ZCCHC8: variants seen among roughly 807,000 people sequenced by gnomAD.
ZCCHC8 encodes the protein zinc finger CCHC domain-containing protein 8.
ZCCHC8 carries 27 observed loss-of-function variants against 70.6 expected under a neutral mutation model. The observed-to-expected ratio is 0.38, with a 90% CI of 0.28 to 0.53. The LOEUF (loss-of-function observed/expected upper bound fraction) is 0.53, where lower values mean the gene tolerates loss of function less well. Among genes scored for constraint, ZCCHC8 ranks in the 20% least tolerant of loss-of-function variants. The pLI is 0.81. For synonymous variants in ZCCHC8, 293 were observed against 317.4 expected (o/e 0.92, Z 0.82); for missense variants, 737 against 876.9 (o/e 0.84, Z 2.01).
intron 3 of ZCCHC8, chr12:122,492,268 T>G (rs1398716063): frequency 5.9e-6 from 1 of 169,092 alleles, no homozygotes; most frequent in Non-Finnish European, 1.2e-5. Flanking sequence ...TTAAAACAAA[T>G]AATCAAGTGA....
intron 2 of ZCCHC8, among the ~76,000 whole-genome samples, chr12:122,494,492 G>A (rs1166031375): frequency 6.6e-6 from 1 of 151,764 alleles, no homozygotes; most frequent in African/African-American, 2.4e-5. Flanking sequence ...CCCAGGAGGT[G>A]GAGGTTGCAG....
intron 2 of ZCCHC8, among the ~76,000 whole-genome samples, chr12:122,493,763 C>T (rs764682547): frequency 7.2e-5 from 11 of 151,892 alleles, no homozygotes; most frequent in African/African-American, 1.7e-4. Context: ...CAGGCGCCTG[C>T]GACCATGCCC....
rs1199125820 is a variant in ZCCHC8 at position 122,481,628 on chromosome 12, C to G, written c.912G>C (p.Lys304Asn). 1.9e-6 allele frequency: 3 copies of G among 1,613,834 alleles called. No homozygotes were observed. The highest frequency in any genetic ancestry group is 2.5e-6 in the Non-Finnish European group (3 of 1,179,882). The change falls in exon 10 of 14, where the codon AAG (lysine) becomes AAC (asparagine). Residue 304 changes from lysine to asparagine, a missense_variant. Lys to Asn is a moderately conservative substitution (Grantham distance 94, BLOSUM62 0). Coordinates refer to ENST00000633063, the MANE Select transcript of ZCCHC8 (RefSeq NM_017612.5). ...ELQDALGVTD[K>N]SLPPFIYRMR... is the part of the protein sequence containing the mutation. ...TCCGATAGATAAAAGGTGGAAGACTCTTGTCTGTCACACCTAGTGCATCTT... is the reference window on the plus strand; with the variant it reads ...TCCGATAGATAAAAGGTGGAAGACTGTTGTCTGTCACACCTAGTGCATCTT...
Position 122,500,735 on chromosome 12 carries a change from C to G in ZCCHC8, c.106G>C (p.Gly36Arg). 6.3e-7 allele frequency: 1 copy of G among 1,583,670 alleles called. No homozygotes were observed. Among genetic ancestry groups the G allele is most frequent in the South Asian group, 1.2e-5 (1 of 86,590 alleles). ...ACCCCATTTTCGTCCTCCTCGTCGCCGTCGTCGTCCTTGAAGCGAGTGTGA... is the reference window on the plus strand; with the variant it reads ...ACCCCATTTTCGTCCTCCTCGTCGCGGTCGTCGTCCTTGAAGCGAGTGTGA... ...PVHTRFKDDD[G>R]DEEDENGVGD... The change falls in exon 1 of 14, where the codon GGC becomes CGC. Residue 36 changes from glycine to arginine, a missense_variant. Gly to Arg is a moderately radical substitution (Grantham distance 125, BLOSUM62 -2). Transcript: ENST00000633063. This position sits in a 1 kb window ranked among gnomAD's most constrained non-coding sequence, Gnocchi z 4.8.
intron 1 of ZCCHC8, chr12:122,499,095 G>C: frequency 1.8e-6 from 1 of 542,458 alleles, no homozygotes; most frequent in Non-Finnish European, 3.3e-6. Context: ...TCTAAGACAC[G>C]ATCCTGAAGT....
At chr12:122,475,255 G>A (rs1444319727) in intron 13 of ZCCHC8, among the ~76,000 whole-genome samples, 1 of 152,114 alleles carries the variant, frequency 6.6e-6, no homozygotes, top group Non-Finnish European at 1.5e-5. Context: ...ATGTTGGCCA[G>A]GCTGGTTTCG....
intron 2 of ZCCHC8, among the ~76,000 whole-genome samples, chr12:122,498,390 A>G (rs1347658206): frequency 6.6e-6 from 1 of 152,070 alleles, no homozygotes; most frequent in African/African-American, 2.4e-5. Flanking sequence ...CGGCCTCCCA[A>G]AGTGCTGGGA....
In ZCCHC8 at chr12:122,482,087, G is replaced by A; in HGVS notation, c.733C>T (p.Pro245Ser). The A allele has an allele frequency of 1.2e-6, 2 of 1,603,216 alleles. No homozygotes were observed. Among genetic ancestry groups the A allele is most frequent in the Non-Finnish European group, 1.7e-6 (2 of 1,176,684 alleles). ...TCACTTATTCGAGCAGCATTCCGAG[G>A]CTACATCATGACACATTTGAAAAGA... ...EEHQMKDCPM[P>S]RNAARISEKR... The change falls in exon 9 of 14, where the codon CCT becomes TCT. Residue 245 changes from proline to serine, a missense_variant and splice_region_variant. Coordinates refer to ENST00000633063, the MANE Select transcript of ZCCHC8 (RefSeq NM_017612.5).
intron 5 of ZCCHC8, among the ~76,000 whole-genome samples, chr12:122,485,331 C>T (rs1957612543): frequency 6.6e-6 from 1 of 152,190 alleles, no homozygotes; most frequent in Non-Finnish European, 1.5e-5. Flanking sequence ...TCAGGCTGGT[C>T]TCAAACTCTC....
intron 13 of ZCCHC8, 59 bp downstream of exon 13, chr12:122,477,782 C>T: frequency 7.9e-7 from 1 of 1,259,162 alleles, no homozygotes; most frequent in Non-Finnish European, 1.1e-6. Context: ...AAGAGTGAGA[C>T]TCCATCTCAA....
At position 122,500,862 on chromosome 12, in the gene ZCCHC8, G is replaced by C; in HGVS notation, c.-22C>G. On this transcript the variant is annotated 5_prime_UTR_variant, in exon 1 of 14. Transcript: ENST00000633063. The surrounding 1 kb of genome is among the most constrained non-coding windows in gnomAD (Gnocchi z 4.8). The stretch of plus-strand genomic sequence containing the variant: ...CCATTTTGGGCTGTGGAAAAGATTC[G>C]AGAAGAGGCGGAGCCGGCCACCAGG... The C allele has an allele frequency of 2.6e-6, 4 of 1,554,560 alleles. No homozygotes were observed. Among genetic ancestry groups the C allele is most frequent in the Non-Finnish European group, 3.5e-6 (4 of 1,149,208 alleles).
chr12:122,483,205 A>C lies in ZCCHC8; in HGVS notation c.671+74T>G, dbSNP rs1957569637. 1 of 1,404,450 alleles carries C rather than the reference A, an allele frequency of 7.1e-7. No homozygotes were observed. Among genetic ancestry groups the C allele is most frequent in the Non-Finnish European group, 9.8e-7 (1 of 1,023,568 alleles). 87.0% of individuals were successfully genotyped at this position (1,404,450 alleles called of 1,614,324 possible). On this transcript the variant is annotated intron_variant, in intron 7 of 13. Transcript: ENST00000633063. This position sits in a 1 kb window ranked among gnomAD's most constrained non-coding sequence, Gnocchi z 4.4. ...AGTAAACCAGCAGTAAAGAACATGAACTTTTCAAGCCAAAAGTTTATGATT... is the reference window on the plus strand; with the variant it reads ...AGTAAACCAGCAGTAAAGAACATGACCTTTTCAAGCCAAAAGTTTATGATT...
chr12:122,473,201 T>C lies in ZCCHC8; in HGVS notation c.*296A>G, dbSNP rs1040097898. 6.8e-6 allele frequency: 2 copies of C among 296,216 alleles called. No individual in the cohort carries two copies. The highest frequency in any genetic ancestry group is 4.3e-5 in the African/African-American group (2 of 46,892). The allele number at this position is 296,216 out of a possible 1,614,324, so 18.3% of individuals were successfully genotyped here. ...GGGAAAACAATGTACAAAAGACAGA[T>C]AAAAACCATCACTCTCGACGGATAG... On this transcript the variant is annotated 3_prime_UTR_variant, in exon 14 of 14. Coordinates refer to ENST00000633063, the MANE Select transcript of ZCCHC8 (RefSeq NM_017612.5).
At chr12:122,476,593 C>CA (rs58599674) in intron 13 of ZCCHC8, among the ~76,000 whole-genome samples, 13,243 of 129,384 alleles carry the variant, frequency 0.1, 1,039 homozygotes, top group African/African-American at 0.24. Flanking sequence ...GATCCTGTCT[C>CA]AAAAAAAAAA....
intron 3 of ZCCHC8, among the ~76,000 whole-genome samples, chr12:122,491,899 G>A (rs1373008293): frequency 6.6e-6 from 1 of 151,932 alleles, no homozygotes; most frequent in Non-Finnish European, 1.5e-5. Flanking sequence ...ACCGTCATGA[G>A]CTAGAGGGTT....
intron 3 of ZCCHC8, 62 bp from the exon 4 acceptor site, chr12:122,490,629 C>T (rs1230470175): frequency 9.3e-6 from 9 of 963,406 alleles, no homozygotes; most frequent in Non-Finnish European, 1.4e-5. Context: ...AGACTGAAGT[C>T]TTATGCATTA....
rs1957917485 is a variant in ZCCHC8, at chr12:122,500,875, G to A, written c.-35C>T. 1 of 1,548,916 alleles carries A rather than the reference G, an allele frequency of 6.5e-7. No individual in the cohort carries two copies. The highest frequency in any genetic ancestry group is 8.7e-7 in the Non-Finnish European group (1 of 1,145,782). On this transcript the variant is annotated 5_prime_UTR_variant, in exon 1 of 14. Transcript: ENST00000633063. This position sits in a 1 kb window ranked among gnomAD's most constrained non-coding sequence, Gnocchi z 4.8. ...TGGAAAAGATTCGAGAAGAGGCGGA[G>A]CCGGCCACCAGGGCTTGGGGAAGAA...
In ZCCHC8 at chr12:122,495,737, G is replaced by T. The variant is rs1566305843; in HGVS notation, c.243-2948C>A. Reference sequence around the variant, plus strand: ...GTGGTGTGCACCTGTAATCCCAGCTGCTCGGGAGGCTGAGGCAGGAGAATC... The same window carrying T: ...GTGGTGTGCACCTGTAATCCCAGCTTCTCGGGAGGCTGAGGCAGGAGAATC... On this transcript the variant is annotated intron_variant, in intron 2 of 13. Transcript: ENST00000633063. Among the ~76,000 whole-genome samples the T allele has an allele frequency of 3.3e-5, 5 of 151,320 alleles. No individual in the cohort carries two copies. In the Admixed American group the frequency reaches 3.3e-4, roughly 10 times the overall value.
At chr12:122,494,329 G>A (rs573732994) in intron 2 of ZCCHC8, among the ~76,000 whole-genome samples, 6 of 151,976 alleles carry the variant, frequency 3.9e-5, no homozygotes, top group South Asian at 4.2e-4. Context: ...AGAGGCGGGT[G>A]GATCACGAGG....
Sources: allele counts gnomAD v4.1 joint callset (sites outside exome capture counted in the v4.1 genomes callset), GRCh38; gene constraint gnomAD v4.1.1; non-coding constraint Gnocchi (gnomAD v3.1); transcripts MANE v1.5; gene names NCBI Gene and HGNC (gene_info 2026-07-23, HGNC 2026-07-21).